The following EHMT1 variants were observed in gnomAD, a reference collection of about 807,000 sequenced individuals.
EHMT1 encodes histone-lysine N-methyltransferase EHMT1.
Under a neutral mutation model 147.2 loss-of-function variants are expected in EHMT1, and 15 were observed. The ratio of observed to expected loss-of-function variants is 0.10; its 90% CI spans 0.07 to 0.16. EHMT1 has a LOEUF of 0.16. EHMT1 is among the 10% of genes least tolerant of loss of function. EHMT1 has a pLI of 1.00. For missense variants in EHMT1, 1,587 were observed against 1,772.4 expected, an observed-to-expected ratio of 0.90 and a Z score of 1.88; for synonymous variants, 795 against 709.6, an observed-to-expected ratio of 1.12 and a Z score of -1.91.
chr9:137,764,305 G>C (rs1445058392), intron 10 of EHMT1: 3 of 152,350 alleles, frequency 2.0e-5, no homozygotes, highest in Non-Finnish European at 4.4e-5. Context: ...TCTGTGGCAC[G>C]TGTGCCCAGC....
chr9:137,749,727 G>A (rs774563755), intron 6 of EHMT1, among the ~76,000 whole-genome samples: 10 of 152,192 alleles, frequency 6.6e-5, no homozygotes, highest in Non-Finnish European at 1.3e-4. Context: ...AGAAGCTCTT[G>A]TTCCTTCCTT....
intron 18 of EHMT1, among the ~76,000 whole-genome samples, chr9:137,808,569 TGTC>T (rs1588830965): frequency 6.6e-6 from 1 of 151,688 alleles, no homozygotes; most frequent in South Asian, 2.1e-4. Flanking sequence ...AGGCCAGGCT[TGTC>T]GTAACTCAGC....
At chr9:137,671,484 C>T (rs1940622308) in intron 1 of EHMT1, among the ~76,000 whole-genome samples, 1 of 150,176 alleles carries the variant, frequency 6.7e-6, no homozygotes, top group Non-Finnish European at 1.5e-5. Context: ...CAAAACAAAG[C>T]GACCCAAAGA....
At chr9:137,827,031 C>T (rs1955854209) in intron 25 of EHMT1, among the ~76,000 whole-genome samples, 1 of 152,214 alleles carries the variant, frequency 6.6e-6, no homozygotes, top group African/African-American at 2.4e-5. Flanking sequence ...CCGCCTCCTC[C>T]CCCACACGTC....
intron 1 of EHMT1, among the ~76,000 whole-genome samples, chr9:137,678,176 A>T (rs768719070): frequency 6.6e-6 from 1 of 152,196 alleles, no homozygotes; most frequent in Non-Finnish European, 1.5e-5. Context: ...TCTGTAAGGG[A>T]TATACTAAGA....
intron 1 of EHMT1, among the ~76,000 whole-genome samples, chr9:137,620,516 A>G (rs923021719): frequency 2.6e-5 from 4 of 152,158 alleles, no homozygotes; most frequent in African/African-American, 9.7e-5. Context: ...CCCAGGCTCA[A>G]AGGAGTCTCC....
rs139520906 is a variant in EHMT1 at position 137,804,009 on chromosome 9, C to T, written c.2712+3025C>T. Among the ~76,000 whole-genome samples the T allele has an allele frequency of 2.2e-3, 332 of 152,136 alleles. 1 individual carries two copies. The highest frequency in any genetic ancestry group is 7.4e-3 in the African/African-American group (309 of 41,510). ...CCCTTCAGCGTGGCTGGGGGGTCCTCGGGAAACTTAACAATCATGGCAGAA... is the reference window on the plus strand; with the variant it reads ...CCCTTCAGCGTGGCTGGGGGGTCCTTGGGAAACTTAACAATCATGGCAGAA... On this transcript the variant is annotated intron_variant, in intron 18 of 26. Transcript: ENST00000460843.
At chr9:137,659,754 T>C (rs1225166612) in intron 1 of EHMT1, among the ~76,000 whole-genome samples, 2 of 151,410 alleles carry the variant, frequency 1.3e-5, no homozygotes, top group Admixed American at 1.3e-4. Context: ...TTTTTGTATT[T>C]TTTGCAGAGA....
intron 8 of EHMT1, among the ~76,000 whole-genome samples, chr9:137,755,874 T>C (rs1260652670): frequency 6.6e-6 from 1 of 152,266 alleles, no homozygotes; most frequent in Non-Finnish European, 1.5e-5. Context: ...TTCACATCTT[T>C]TGCTCACTTT....
chr9:137,624,349 G>C (rs1392837483), intron 1 of EHMT1, among the ~76,000 whole-genome samples: 1 of 147,536 alleles, frequency 6.8e-6, no homozygotes, highest in Non-Finnish European at 1.5e-5. Flanking sequence ...ACCCAGTCTG[G>C]CATCCAGTTG....
rs756867008 is a variant in EHMT1, at chr9:137,717,191, G to T, written c.642+9G>T. On this transcript the variant is annotated intron_variant, in intron 3 of 26. Coordinates refer to ENST00000460843, the MANE Select transcript of EHMT1 (RefSeq NM_024757.5). ...AGTCCGTCGTGGGCCTGGTAATTTT[G>T]TGTCTTCTCTTGCTGTTTCCTTTTT... The T allele has an allele frequency of 1.2e-6, 2 of 1,611,218 alleles. No homozygotes were observed. The highest frequency in any genetic ancestry group is 1.7e-6 in the Non-Finnish European group (2 of 1,179,948).
At chr9:137,652,290 T>A (rs1426997736) in intron 1 of EHMT1, among the ~76,000 whole-genome samples, 1 of 152,164 alleles carries the variant, frequency 6.6e-6, no homozygotes, top group Non-Finnish European at 1.5e-5. Context: ...GATGAGGTCT[T>A]GCTATGTTGC....
At chr9:137,754,148 T>C in intron 7 of EHMT1, 23 bp from the exon 8 acceptor site, 1 of 1,614,034 alleles carries the variant, frequency 6.2e-7, no homozygotes, top group Non-Finnish European at 8.5e-7. Flanking sequence ...GTGGTTTATA[T>C]GCCTGCCCGT....
intron 2 of EHMT1, among the ~76,000 whole-genome samples, chr9:137,712,844 T>TA (rs1208817349): frequency 3.3e-5 from 5 of 152,334 alleles, no homozygotes; most frequent in East Asian, 3.9e-4. Flanking sequence ...CCTAAGAACT[T>TA]ACCATTACTT....
intron 4 of EHMT1, among the ~76,000 whole-genome samples, chr9:137,734,137 C>T (rs898599936): frequency 6.6e-6 from 1 of 152,134 alleles, no homozygotes; most frequent in South Asian, 2.1e-4. Context: ...AAAAATAAGT[C>T]AACAGAAACT....
intron 1 of EHMT1, among the ~76,000 whole-genome samples, chr9:137,665,427 A>G (rs1230780336): frequency 6.6e-6 from 1 of 152,108 alleles, no homozygotes; most frequent in Admixed American, 6.5e-5. Context: ...TGGCAGAAGC[A>G]TTGCCCTGAG....
chr9:137,688,403 T>G lies in EHMT1; in HGVS notation c.22-22564T>G, dbSNP rs1395620284. On this transcript the variant is annotated intron_variant, in intron 1 of 26. Coordinates refer to ENST00000460843, the MANE Select transcript of EHMT1 (RefSeq NM_024757.5). ...CTCGGTTCATTTTCATGTGTTCATC[T>G]CATACCTTGCCACGCTGCTGGACTC... is the stretch of plus-strand genomic sequence containing the variant. Among the ~76,000 whole-genome samples, 4 of 152,330 alleles carry G rather than the reference T, an allele frequency of 2.6e-5. No homozygotes were observed. In the East Asian group the frequency reaches 7.7e-4, roughly 29 times the overall value.
intron 4 of EHMT1, among the ~76,000 whole-genome samples, chr9:137,729,031 G>GA (rs1414499573): frequency 6.6e-6 from 1 of 152,160 alleles, no homozygotes; most frequent in Non-Finnish European, 1.5e-5. Context: ...CCTTACCGGG[G>GA]ACCTTTTGTG....
At position 137,716,894 on chromosome 9, in the gene EHMT1, T is replaced by G. The variant is rs142271310; in HGVS notation, c.354T>G (p.Ser118=). The G allele has an allele frequency of 3.6e-4, 579 of 1,613,196 alleles. 3 individuals are homozygous for G. In the African/African-American group the frequency reaches 5.7e-3, roughly 16 times the overall value. The change falls in exon 3 of 27, where the codon TCT becomes TCG. Residue 118 remains serine, a synonymous_variant. Coordinates refer to ENST00000460843, the MANE Select transcript of EHMT1 (RefSeq NM_024757.5). ...HVTADDFVQT[S]VIGSNGYILN... ...CTGCCGACGACTTTGTGCAGACTTC[T>G]GTCATCGGCAGCAACGGATACATCT...
Sources: gnomAD v4.1 joint callset for allele counts (sites outside exome capture counted in the v4.1 genomes callset) on GRCh38, gnomAD v4.1.1 for gene constraint, MANE v1.5 for transcripts, NCBI Gene and HGNC (gene_info 2026-07-23, HGNC 2026-07-21) for gene names.